Variants in SPIB observed in about 807,000 individuals in gnomAD.
SPIB encodes the protein transcription factor Spi-B.
A neutral mutation model predicts 31.9 loss-of-function variants in SPIB; 7 were observed. The observed-to-expected ratio is 0.22, with a 90% CI of 0.12 to 0.41. The LOEUF (loss-of-function observed/expected upper bound fraction) is 0.41. SPIB is among the 10% of genes least tolerant of loss of function. SPIB has a pLI of 1.00. For missense variants in SPIB, 327 were observed against 360.2 expected (o/e 0.91, Z 0.75); for synonymous variants, 176 against 158.9 (o/e 1.11, Z -0.81).
intron 5 of SPIB, among the ~76,000 whole-genome samples, chr19:50,427,695 T>G (rs1001182092): frequency 4.6e-5 from 7 of 152,262 alleles, no homozygotes; most frequent in African/African-American, 1.7e-4. Flanking sequence ...TAAGCGGCGC[T>G]GTCAACCCAT....
intron 2 of SPIB, among the ~76,000 whole-genome samples, chr19:50,420,429 T>A (rs1601259941): frequency 6.6e-6 from 1 of 152,182 alleles, no homozygotes; most frequent in Non-Finnish European, 1.5e-5. Context: ...GTTTGTTTGT[T>A]TTTTAATTGA....
At chr19:50,427,956 T>G (rs1473244348) in intron 5 of SPIB, 82 bp from the exon 6 acceptor site, 15 of 1,262,092 alleles carry the variant, frequency 1.2e-5, no homozygotes, top group South Asian at 6.7e-5. Context: ...GAGGCCGGGG[T>G]GGAAGTCTCG....
intron 5 of SPIB, among the ~76,000 whole-genome samples, chr19:50,425,207 T>TG (rs372444718): frequency 7.9e-4 from 120 of 151,722 alleles, no homozygotes; most frequent in African/African-American, 2.6e-3. Context: ...GGTTTCACCA[T>TG]CTGGCCAGGC....
chr19:50,425,861 C>T (rs1475357724), intron 5 of SPIB, among the ~76,000 whole-genome samples: 1 of 152,160 alleles, frequency 6.6e-6, no homozygotes, highest in Non-Finnish European at 1.5e-5. Flanking sequence ...AGTGGACTGA[C>T]GCCTTTATTG....
intron 5 of SPIB, among the ~76,000 whole-genome samples, chr19:50,426,183 T>C (rs896936786): frequency 6.6e-6 from 1 of 152,110 alleles, no homozygotes; most frequent in South Asian, 2.1e-4. Context: ...CACTCCAGCC[T>C]GGGCAACAGA....
intron 2 of SPIB, among the ~76,000 whole-genome samples, chr19:50,421,399 T>C (rs1006622072): frequency 2.0e-5 from 3 of 152,156 alleles, no homozygotes; most frequent in Non-Finnish European, 4.4e-5. Context: ...CTCGGCTCAC[T>C]GCAACCTCAG....
intron 4 of SPIB, 30 bp from the exon 5 acceptor site, chr19:50,423,575 G>A: frequency 6.2e-7 from 1 of 1,605,174 alleles, no homozygotes; most frequent in African/African-American, 1.3e-5. Context: ...AGGGGTCCCT[G>A]GACATGCAGG....
At chr19:50,427,873 C>CCCA (rs1491407173) in intron 5 of SPIB, among the ~76,000 whole-genome samples, 165 bp from the exon 6 acceptor site, 2 of 122,666 alleles carry the variant, frequency 1.6e-5, no homozygotes, top group East Asian at 2.5e-4. Flanking sequence ...CCCCCCCCCC[C>CCCA]GTGGTGAGGG....
intron 5 of SPIB, among the ~76,000 whole-genome samples, chr19:50,426,102 GGGAGGCTGAGGCA>G (rs1311872901): frequency 6.6e-6 from 1 of 152,074 alleles, no homozygotes; most frequent in Admixed American, 6.6e-5. Flanking sequence ...CCAGCTACTT[GGGAGGCTGAGGCA>G]GGAGAATCGC....
chr19:50,429,903 G>A lies in SPIB; in HGVS notation c.*1567G>A, dbSNP rs1473979183. 1 of 151,902 alleles carries A rather than the reference G, an allele frequency of 6.6e-6. No individual in the cohort carries two copies. The highest frequency in any genetic ancestry group is 1.5e-5 in the Non-Finnish European group (1 of 68,094). 9.4% of individuals were successfully genotyped at this position (151,902 alleles called of 1,614,324 possible). ...TGTAGTCCCAGCTACTCGGGAGGCT[G>A]AGGCAAGAGAATCGCTTGAACGTGG... On this transcript the variant is annotated 3_prime_UTR_variant, in exon 6 of 6. Coordinates refer to ENST00000595883, the MANE Select transcript of SPIB (RefSeq NM_003121.5).
intron 5 of SPIB, among the ~76,000 whole-genome samples, chr19:50,425,809 C>T (rs1289222696): frequency 6.6e-6 from 1 of 152,146 alleles, no homozygotes; most frequent in African/African-American, 2.4e-5. Flanking sequence ...CCACACACAC[C>T]AGGTCAGGGA....
At chr19:50,420,834 T>A (rs1170566673) in intron 2 of SPIB, among the ~76,000 whole-genome samples, 3 of 152,144 alleles carry the variant, frequency 2.0e-5, no homozygotes, top group African/African-American at 7.2e-5. Context: ...CACCATGTTA[T>A]CCGGGCTGGT....
rs1474700235 is a variant in SPIB at position 50,429,544 on chromosome 19, C to T, written c.*1208C>T. ...ATAATGAGACCTCGTCTCTACAAAA[C>T]ATAACAAAAACAATTAGCCGAGCGT... On this transcript the variant is annotated 3_prime_UTR_variant, in exon 6 of 6. Transcript: ENST00000595883. The T allele has an allele frequency of 2.0e-5, 3 of 152,012 alleles. No individual in the cohort carries two copies. Among genetic ancestry groups the T allele is most frequent in the Non-Finnish European group, 4.4e-5 (3 of 68,068 alleles). 9.4% of individuals were successfully genotyped at this position (152,012 alleles called of 1,614,324 possible).
At chr19:50,420,363 C>T (rs543145498) in intron 2 of SPIB, among the ~76,000 whole-genome samples, 8 of 152,200 alleles carry the variant, frequency 5.3e-5, no homozygotes, top group African/African-American at 1.9e-4. Flanking sequence ...GAAAGAAAGC[C>T]CCTGTTTATG....
At position 50,429,595 on chromosome 19, in the gene SPIB, T is replaced by G. The variant is rs966182061; in HGVS notation, c.*1259T>G. ...GGGGGTGAACACCTGTGGTCCCAGCTGCTCAGGAGGCTGAGGTGGGAGGAT... is the reference window on the plus strand; with the variant it reads ...GGGGGTGAACACCTGTGGTCCCAGCGGCTCAGGAGGCTGAGGTGGGAGGAT... On this transcript the variant is annotated 3_prime_UTR_variant, in exon 6 of 6. Transcript: ENST00000595883. The G allele has an allele frequency of 1.3e-5, 2 of 152,362 alleles. No homozygotes were observed. Among genetic ancestry groups the G allele is most frequent in the Non-Finnish European group, 2.9e-5 (2 of 68,192 alleles). 9.4% of individuals were successfully genotyped at this position (152,362 alleles called of 1,614,324 possible). A position where few individuals can be genotyped will look rare whatever the true frequency, so the allele number is the denominator to read the frequency against.
chr19:50,419,792 T>C, intron 1 of SPIB, 154 bp from the exon 2 acceptor site: 2 of 642,724 alleles, frequency 3.1e-6, no homozygotes, highest in Non-Finnish European at 5.0e-6. Flanking sequence ...CAGCAGGGGG[T>C]AGTGGGGGAG....
At chr19:50,420,671 A>G (rs1280897242) in intron 2 of SPIB, among the ~76,000 whole-genome samples, 1 of 152,194 alleles carries the variant, frequency 6.6e-6, no homozygotes, top group Non-Finnish European at 1.5e-5. Context: ...TCTGTCACCC[A>G]GGCTGGAGTG....
chr19:50,427,955 G>T, intron 5 of SPIB, 83 bp from the exon 6 acceptor site: 1 of 1,410,004 alleles, frequency 7.1e-7, no homozygotes, highest in Non-Finnish European at 9.3e-7. Context: ...GGAGGCCGGG[G>T]TGGAAGTCTC....
chr19:50,426,669 A>G (rs1021632568), intron 5 of SPIB, among the ~76,000 whole-genome samples: 1 of 151,818 alleles, frequency 6.6e-6, no homozygotes, highest in Non-Finnish European at 1.5e-5. Flanking sequence ...TAATTTTTGT[A>G]TTTTTAGTAG....
Sources: allele counts gnomAD v4.1 joint callset (sites outside exome capture counted in the v4.1 genomes callset), GRCh38; gene constraint gnomAD v4.1.1; transcripts MANE v1.5; gene names NCBI Gene and HGNC (gene_info 2026-07-23, HGNC 2026-07-21).